Variants in ZC3HAV1 observed in about 807,000 individuals in gnomAD.
ZC3HAV1 encodes zinc finger CCCH-type containing, antiviral 1, also known as zinc finger CCCH-type antiviral protein 1.
In ZC3HAV1, 41 loss-of-function variants were observed where a neutral mutation model predicts 86.6. The ratio of observed to expected loss-of-function variants is 0.47; its 90% CI spans 0.37 to 0.61. The LOEUF is 0.61. ZC3HAV1 is among the 20% of genes least tolerant of loss of function. The pLI is 0.00. For missense variants in ZC3HAV1, 964 were observed against 1,141.1 expected, an observed-to-expected ratio of 0.84 and a Z score of 2.24; for synonymous variants, 421 against 432.1, an observed-to-expected ratio of 0.97 and a Z score of 0.32.
chr7:139,097,428 A>ATATATATATATATATATATTTT, intron 1 of ZC3HAV1, among the ~76,000 whole-genome samples: 1 of 48,160 alleles, frequency 2.1e-5, no homozygotes, highest in African/African-American at 1.1e-4. Context: ...ATATATATAT[A>ATATATATATATATATATATTTT]TTTTTTTTTT....
chr7:139,068,278 T>A (rs1180217967), intron 7 of ZC3HAV1, among the ~76,000 whole-genome samples: 3 of 151,902 alleles, frequency 2.0e-5, no homozygotes, highest in Non-Finnish European at 4.4e-5. Context: ...CAGGCTGGTC[T>A]CCAATTTCTG....
At chr7:139,050,648 G>GA (rs1291791109) in intron 12 of ZC3HAV1, among the ~76,000 whole-genome samples, 3 of 152,116 alleles carry the variant, frequency 2.0e-5, no homozygotes, top group African/African-American at 7.2e-5. Flanking sequence ...GGGATTACAG[G>GA]AATGAGCCAC....
chr7:139,053,044 G>C (rs1371880130), intron 12 of ZC3HAV1, among the ~76,000 whole-genome samples: 1 of 152,192 alleles, frequency 6.6e-6, no homozygotes, highest in Non-Finnish European at 1.5e-5. Flanking sequence ...GAGATGGGGA[G>C]AGGCCTCTTC....
rs374859476 is a variant in ZC3HAV1, at chr7:139,097,677, G to A, written c.309-7918C>T. ...TCTGGATCTCCTGACCTCGTGATCCGCTCGCCTCGGCCTCCTAAAGTGCTG... is the reference window on the plus strand; with the variant it reads ...TCTGGATCTCCTGACCTCGTGATCCACTCGCCTCGGCCTCCTAAAGTGCTG... On this transcript the variant is annotated intron_variant, in intron 1 of 12. Coordinates refer to ENST00000242351, the MANE Select transcript of ZC3HAV1 (RefSeq NM_020119.4). Among the ~76,000 whole-genome samples the A allele has an allele frequency of 2.1e-3, 319 of 151,256 alleles. 2 individuals carry two copies. The Middle Eastern group carries it at 0.034, about 16-fold the overall frequency.
At chr7:139,099,871 G>C (rs1169732503) in intron 1 of ZC3HAV1, among the ~76,000 whole-genome samples, 1 of 151,676 alleles carries the variant, frequency 6.6e-6, no homozygotes, top group Non-Finnish European at 1.5e-5. Flanking sequence ...AGGTTGCAGT[G>C]AGCTGAGATC....
intron 6 of ZC3HAV1, 61 bp downstream of exon 6, chr7:139,076,225 A>G (rs1816938641): frequency 6.2e-7 from 1 of 1,611,024 alleles, no homozygotes; most frequent in Non-Finnish European, 8.5e-7. Context: ...TGAGCCTAGC[A>G]CTAATGCTTC....
chr7:139,092,874 C>G (rs1314922115), intron 1 of ZC3HAV1, among the ~76,000 whole-genome samples: 1 of 152,236 alleles, frequency 6.6e-6, no homozygotes, highest in Non-Finnish European at 1.5e-5. Context: ...ATCTCTGTCT[C>G]GTCTTGGTCT....
chr7:139,097,104 C>T (rs1396003251), intron 1 of ZC3HAV1, among the ~76,000 whole-genome samples: 2 of 151,442 alleles, frequency 1.3e-5, no homozygotes, highest in African/African-American at 2.4e-5. Flanking sequence ...TGCCACTGCA[C>T]TCCGGCCTGG....
intron 1 of ZC3HAV1, among the ~76,000 whole-genome samples, chr7:139,100,537 A>AAAAAAC (rs201321374): frequency 4.0e-5 from 6 of 151,850 alleles, no homozygotes; most frequent in East Asian, 1.9e-4. Context: ...CTGTCTCAAA[A>AAAAAAC]AAAAACAAAA....
intron 7 of ZC3HAV1, among the ~76,000 whole-genome samples, chr7:139,072,726 C>G (rs1441909650): frequency 6.6e-6 from 1 of 152,164 alleles, no homozygotes; most frequent in African/African-American, 2.4e-5. Flanking sequence ...TTAAGTCCAT[C>G]TAAATCCAGA....
chr7:139,061,276 T>C (rs1816435354), intron 8 of ZC3HAV1, 138 bp from the exon 9 acceptor site: 2 of 795,944 alleles, frequency 2.5e-6, no homozygotes, highest in African/African-American at 3.5e-5. Context: ...GAAAATCCTT[T>C]GGGATGAGAA....
At chr7:139,053,297 A>G (rs574188772) in intron 12 of ZC3HAV1, among the ~76,000 whole-genome samples, 154 bp downstream of exon 12, 4 of 152,320 alleles carry the variant, frequency 2.6e-5, no homozygotes, top group Non-Finnish European at 5.9e-5. Flanking sequence ...TCATTTGGGC[A>G]TTTGATATTA....
chr7:139,101,321 C>G lies in ZC3HAV1; in HGVS notation c.308+7703G>C, dbSNP rs968415043. Among the ~76,000 whole-genome samples the G allele has an allele frequency of 1.6e-3, 232 of 143,580 alleles. 1 individual carries two copies. Among genetic ancestry groups the G allele is most frequent in the African/African-American group, 5.7e-3 (221 of 38,628 alleles). 94.2% of individuals were successfully genotyped at this position (143,580 alleles called of 152,430 possible). A position where few individuals can be genotyped will look rare whatever the true frequency, so the allele number is the denominator to read the frequency against. ...GGCCGCCCATCGTCTGGGATGTGAGCAGCCCCTCTGCTCGGCTGCCCAGTC... is the reference window on the plus strand; with the variant it reads ...GGCCGCCCATCGTCTGGGATGTGAGGAGCCCCTCTGCTCGGCTGCCCAGTC... On this transcript the variant is annotated intron_variant, in intron 1 of 12. Coordinates refer to ENST00000242351, the MANE Select transcript of ZC3HAV1 (RefSeq NM_020119.4).
chr7:139,096,238 T>C (rs757500180), intron 1 of ZC3HAV1, among the ~76,000 whole-genome samples: 3 of 152,146 alleles, frequency 2.0e-5, no homozygotes, highest in Non-Finnish European at 2.9e-5. Context: ...GGTCTTGAAC[T>C]CCTGACCTCA....
intron 9 of ZC3HAV1, among the ~76,000 whole-genome samples, chr7:139,058,581 A>AG (rs1338120099): frequency 6.6e-6 from 1 of 152,182 alleles, no homozygotes; most frequent in African/African-American, 2.4e-5. Context: ...CTGTATTACA[A>AG]GGTAGAAGTG....
intron 7 of ZC3HAV1, among the ~76,000 whole-genome samples, chr7:139,067,483 A>G (rs910677827): frequency 6.6e-6 from 1 of 152,014 alleles, no homozygotes; most frequent in Non-Finnish European, 1.5e-5. Context: ...ACCCTTTTAC[A>G]GTATTTTGGC....
intron 1 of ZC3HAV1, among the ~76,000 whole-genome samples, chr7:139,100,498 C>T (rs1156342927): frequency 6.6e-6 from 1 of 151,986 alleles, no homozygotes; most frequent in African/African-American, 2.4e-5. Context: ...TGCACCACTG[C>T]ACTCCAGCCT....
In ZC3HAV1 at chr7:139,080,145, C is replaced by G. The variant is rs1817086135; in HGVS notation, c.796G>C (p.Ala266Pro). 1 of 1,614,054 alleles carries G rather than the reference C, an allele frequency of 6.2e-7. No homozygotes were observed. Among genetic ancestry groups the G allele is most frequent in the Non-Finnish European group, 8.5e-7 (1 of 1,180,044 alleles). The part of the protein sequence containing the change: ...GSQEFLASAS[A>P]SAERSCTPSP... ...GGTGTGCAGGACCTCTCAGCAGACG[C>G]TGAAGCAGACGCAAGAAATTCTTGG... The change falls in exon 4 of 13, where the codon GCG becomes CCG. Residue 266 changes from alanine (A) to proline (P), a missense_variant. By Grantham distance (27) the Ala-to-Pro change is conservative. Transcript: ENST00000242351.
intron 7 of ZC3HAV1, among the ~76,000 whole-genome samples, chr7:139,072,310 G>A (rs778359241): frequency 2.6e-5 from 4 of 151,812 alleles, no homozygotes; most frequent in Non-Finnish European, 4.4e-5. Context: ...TCAGACTCCT[G>A]AGTAGCTGGG....
Sources: allele counts gnomAD v4.1 joint callset (sites outside exome capture counted in the v4.1 genomes callset), GRCh38; gene constraint gnomAD v4.1.1; transcripts MANE v1.5; gene names NCBI Gene and HGNC (gene_info 2026-07-23, HGNC 2026-07-21).